NAALAD2: variants seen among roughly 807,000 people sequenced by gnomAD.
The protein encoded by NAALAD2 is N-acetylated alpha-linked acidic dipeptidase 2.
A neutral mutation model predicts 95.6 loss-of-function variants in NAALAD2; 89 were observed. The observed-to-expected ratio is 0.93, with a 90% CI of 0.78 to 1.11. The LOEUF is 1.11. NAALAD2 is among the 50% of genes least tolerant of loss of function. NAALAD2 has a pLI of 0.00. For missense variants in NAALAD2, 894 were observed against 872.4 expected (o/e 1.02, Z -0.31); for synonymous variants, 264 against 294.4 (o/e 0.90, Z 1.06).
Position 90,182,919 on chromosome 11 carries a change from C to T in NAALAD2, c.1944C>T (p.Pro648=), listed in dbSNP as rs1857007349. The change falls in exon 18 of 19, where the codon CCC becomes CCT. Residue 648 remains proline, a synonymous_variant. Transcript: ENST00000534061. ...KRLIQVDLNN[P]IAVRMMNDQL... is the part of the protein sequence containing the mutation. ...TATGTATATGTTCTTCTCGAAGTCCCATTGCAGTGAGAATGATGAATGACC... is the reference window on the plus strand; with the variant it reads ...TATGTATATGTTCTTCTCGAAGTCCTATTGCAGTGAGAATGATGAATGACC... 1 of 1,605,544 alleles carries T rather than the reference C, an allele frequency of 6.2e-7. No homozygotes were observed. Among genetic ancestry groups the T allele is most frequent in the African/African-American group, 1.3e-5 (1 of 74,718 alleles).
At chr11:90,174,000 C>A (rs1213368427) in intron 14 of NAALAD2, 85 bp downstream of exon 14, 2 of 917,652 alleles carry the variant, frequency 2.2e-6, no homozygotes, top group African/African-American at 1.7e-5. Flanking sequence ...ATGAAATTCT[C>A]AAGCGTCTCA....
intron 6 of NAALAD2, among the ~76,000 whole-genome samples, chr11:90,156,215 T>C (rs1257692770): frequency 6.6e-6 from 1 of 151,990 alleles, no homozygotes; most frequent in Non-Finnish European, 1.5e-5. Flanking sequence ...ACTATTATTT[T>C]TGTTTCCTAT....
chr11:90,167,435 C>A (rs1373080407), intron 11 of NAALAD2, among the ~76,000 whole-genome samples: 1 of 152,190 alleles, frequency 6.6e-6, no homozygotes, highest in Non-Finnish European at 1.5e-5. Context: ...GCCCCCGCCG[C>A]GGCCGCTGCA....
chr11:90,144,602 C>T (rs1160771289), intron 2 of NAALAD2, among the ~76,000 whole-genome samples: 1 of 151,686 alleles, frequency 6.6e-6, no homozygotes, highest in Non-Finnish European at 1.5e-5. Flanking sequence ...ATTAGCTGGG[C>T]ATTGTGGCAT....
chr11:90,190,921 G>A (rs1022963172), intron 18 of NAALAD2, among the ~76,000 whole-genome samples: 6 of 152,140 alleles, frequency 3.9e-5, no homozygotes, highest in South Asian at 4.1e-4. Context: ...AAAATTCTAC[G>A]TCATTATTGC....
Position 90,168,983 on chromosome 11 carries a change from T to C in NAALAD2, c.1333T>C (p.Ser445Pro), listed in dbSNP as rs751101246. ...RSIAYINSDS[S>P]IEGNYTLRVD... ...CATTGCTTATATCAACTCGGATTCATCTATAGAAGGTAAATTTTATTTCAA... is the reference window on the plus strand; with the variant it reads ...CATTGCTTATATCAACTCGGATTCACCTATAGAAGGTAAATTTTATTTCAA... The change falls in exon 12 of 19, where the codon TCT (serine) becomes CCT (proline). Residue 445 changes from serine to proline, a missense_variant. Physicochemically the swap from Ser to Pro is moderately conservative, Grantham distance 74 (BLOSUM62 -1). Coordinates refer to ENST00000534061, the MANE Select transcript of NAALAD2 (RefSeq NM_005467.4). 2 of 1,598,120 alleles carry C rather than the reference T, an allele frequency of 1.3e-6. No individual in the cohort carries two copies. Among genetic ancestry groups the C allele is most frequent in the South Asian group, 1.2e-5 (1 of 86,760 alleles).
chr11:90,176,127 C>A, intron 15 of NAALAD2, 65 bp downstream of exon 15: 1 of 1,316,604 alleles, frequency 7.6e-7, no homozygotes. Flanking sequence ...AAGAATGTCA[C>A]TGAGTTGTTT....
intron 18 of NAALAD2, among the ~76,000 whole-genome samples, chr11:90,185,698 A>G (rs1408152312): frequency 1.3e-5 from 2 of 152,048 alleles, no homozygotes; most frequent in Non-Finnish European, 2.9e-5. Context: ...GACTCTTGTG[A>G]AAATATCTAC....
chr11:90,155,373 TTAC>T (rs1952045541), intron 6 of NAALAD2, among the ~76,000 whole-genome samples: 1 of 78,610 alleles, frequency 1.3e-5, no homozygotes, highest in Non-Finnish European at 2.2e-5. Context: ...ATATGTAATA[TTAC>T]ATATTATACA....
In NAALAD2 at chr11:90,182,928, G is replaced by A. The variant is rs1857007691; in HGVS notation, c.1953G>A (p.Val651=). 1 of 1,610,286 alleles carries A rather than the reference G, an allele frequency of 6.2e-7. No individual in the cohort carries two copies. Among genetic ancestry groups the A allele is most frequent in the African/African-American group, 1.3e-5 (1 of 74,828 alleles). Residue 651 remains valine, a synonymous_variant, in exon 18 of 19, where the codon GTG becomes GTA. Coordinates refer to ENST00000534061, the MANE Select transcript of NAALAD2 (RefSeq NM_005467.4). ...GTTCTTCTCGAAGTCCCATTGCAGT[G>A]AGAATGATGAATGACCAACTGATGC... is the stretch of plus-strand genomic sequence containing the variant. ...IQVDLNNPIA[V]RMMNDQLMLL...
intron 18 of NAALAD2, among the ~76,000 whole-genome samples, chr11:90,185,113 G>T (rs1857096420): frequency 6.6e-6 from 1 of 151,454 alleles, no homozygotes; most frequent in Admixed American, 6.6e-5. Flanking sequence ...AATCCCCCAT[G>T]GATACTGAGG....
Position 90,192,189 on chromosome 11 carries a change from T to C in NAALAD2, c.*442T>C, listed in dbSNP as rs1477600722. ...ATGATCACAGCAATACTTGTATGCA[T>C]GTTCATTGCAACTTAAAAGCGTAAA... is the stretch of plus-strand genomic sequence containing the variant. On this transcript the variant is annotated 3_prime_UTR_variant, in exon 19 of 19. Coordinates refer to ENST00000534061, the MANE Select transcript of NAALAD2 (RefSeq NM_005467.4). 1 of 152,236 alleles carries C rather than the reference T, an allele frequency of 6.6e-6. No individual in the cohort carries two copies. Among genetic ancestry groups the C allele is most frequent in the Admixed American group, 6.5e-5 (1 of 15,272 alleles). 9.4% of individuals were successfully genotyped at this position (152,236 alleles called of 1,614,324 possible).
intron 9 of NAALAD2, 93 bp from the exon 10 acceptor site, chr11:90,163,217 C>T (rs371710691): frequency 7.9e-6 from 11 of 1,393,974 alleles, no homozygotes; most frequent in Middle Eastern, 3.8e-4. Context: ...ATAGAGGAAA[C>T]TCAAGCAAGA....
chr11:90,155,723 A>ATACATACATACATATGTATGTAT (rs1952089832), intron 6 of NAALAD2, among the ~76,000 whole-genome samples: 8 of 49,324 alleles, frequency 1.6e-4, no homozygotes, highest in African/African-American at 6.5e-4. Context: ...TATGTATGTA[A>ATACATACATACATATGTATGTAT]TACATACATA....
rs551857756 is a variant in NAALAD2 at position 90,177,644 on chromosome 11, G to A, written c.1594-209G>A. ...TTTTTTGTATTTTTAGTAGAGACAG[G>A]GTTTCTCCATGTTGCCCAGGCTGGT... is the stretch of plus-strand genomic sequence containing the variant. On this transcript the variant is annotated intron_variant, in intron 15 of 18. Coordinates refer to ENST00000534061, the MANE Select transcript of NAALAD2 (RefSeq NM_005467.4). Among the ~76,000 whole-genome samples, 4 of 71,090 alleles carry A rather than the reference G, an allele frequency of 5.6e-5. No individual in the cohort carries two copies. In the East Asian group the frequency reaches 1.7e-3, roughly 31 times the overall value. 46.6% of individuals were successfully genotyped at this position (71,090 alleles called of 152,430 possible).
At chr11:90,165,382 A>G (rs1434154210) in intron 11 of NAALAD2, among the ~76,000 whole-genome samples, 2 of 152,210 alleles carry the variant, frequency 1.3e-5, no homozygotes, top group African/African-American at 2.4e-5. Context: ...GGTGCACTAC[A>G]TAAGTACTTA....
intron 2 of NAALAD2, among the ~76,000 whole-genome samples, chr11:90,143,634 T>C (rs1415164102): frequency 6.6e-6 from 1 of 152,174 alleles, no homozygotes; most frequent in African/African-American, 2.4e-5. Flanking sequence ...TATCTTTCTG[T>C]ACCATTCTTT....
chr11:90,146,839 G>T (rs1951761115), intron 2 of NAALAD2, among the ~76,000 whole-genome samples: 1 of 151,912 alleles, frequency 6.6e-6, no homozygotes, highest in Non-Finnish European at 1.5e-5. Context: ...AGCACTAGGG[G>T]ATATGAAAAA....
In NAALAD2 at chr11:90,163,615, G is replaced by A; in HGVS notation, c.1276G>A (p.Glu426Lys). ...ACTTCTGGGTTCCACAGAATGGGCT[G>A]AGGTAAATAAGACAAAGAAGGTTCT... Reference protein sequence around the residue: ...FGLLGSTEWAEENVKILQERS... With the variant: ...FGLLGSTEWAKENVKILQERS... The change falls in exon 11 of 19, where the codon GAG becomes AAG. Residue 426 changes from glutamate to lysine, a missense_variant and splice_region_variant. By Grantham distance (56) the Glu-to-Lys change is moderately conservative (BLOSUM62 1). Transcript: ENST00000534061. The A allele has an allele frequency of 6.2e-7, 1 of 1,613,910 alleles. No individual in the cohort carries two copies. Among genetic ancestry groups the A allele is most frequent in the Non-Finnish European group, 8.5e-7 (1 of 1,179,812 alleles).
Sources: gnomAD v4.1 joint callset for allele counts (sites outside exome capture counted in the v4.1 genomes callset) on GRCh38, gnomAD v4.1.1 for gene constraint, MANE v1.5 for transcripts, NCBI Gene and HGNC (gene_info 2026-07-23, HGNC 2026-07-21) for gene names.